ABI3BP: variants seen among roughly 807,000 people sequenced by gnomAD.
ABI3BP encodes the protein ABI family member 3 binding protein.
ABI3BP carries 216 observed loss-of-function variants against 268.6 expected under a neutral mutation model. That is an observed-to-expected ratio of 0.80 (90% CI 0.72 to 0.90). The LOEUF (loss-of-function observed/expected upper bound fraction) is 0.90, where lower values mean the gene tolerates loss of function less well. Among genes scored for constraint, ABI3BP ranks in the 40% least tolerant of loss-of-function variants. The pLI is 0.00. For missense variants in ABI3BP, 2,090 were observed against 2,182.4 expected (o/e 0.96, Z 0.84); for synonymous variants, 730 against 730.0 (o/e 1.00, Z 0.00).
intron 49 of ABI3BP, among the ~76,000 whole-genome samples, chr3:100,808,568 GA>G (rs1475586062): frequency 6.6e-6 from 1 of 151,844 alleles, no homozygotes; most frequent in Non-Finnish European, 1.5e-5. Flanking sequence ...AATTTTATCA[GA>G]ATATTTAGTT....
At chr3:100,944,385 T>A (rs768601981) in intron 1 of ABI3BP, among the ~76,000 whole-genome samples, 5 of 152,126 alleles carry the variant, frequency 3.3e-5, no homozygotes, top group Non-Finnish European at 5.9e-5. Flanking sequence ...CTCATTAAAT[T>A]CCATTGGCCA....
rs767939922 is a variant in ABI3BP, at chr3:100,846,335, C to T, written c.1723+37G>A. The T allele has an allele frequency of 8.7e-6, 12 of 1,374,102 alleles. No individual in the cohort carries two copies. The East Asian group carries it at 1.7e-4, about 19-fold the overall frequency. 85.1% of individuals were successfully genotyped at this position (1,374,102 alleles called of 1,614,324 possible). A position where few individuals can be genotyped will look rare whatever the true frequency, so the allele number is the denominator to read the frequency against. On this transcript the variant is annotated intron_variant, in intron 20 of 67. Coordinates refer to ENST00000471714, the MANE Select transcript of ABI3BP (RefSeq NM_001375547.2). ...ATTGCAAAGAACTTGTTTTCAACCCCACTTTTGGAATATTCAAAAAAGTTT... is the reference window on the plus strand; with the variant it reads ...ATTGCAAAGAACTTGTTTTCAACCCTACTTTTGGAATATTCAAAAAAGTTT...
intron 35 of ABI3BP, among the ~76,000 whole-genome samples, chr3:100,825,477 T>C (rs753682852): frequency 4.6e-5 from 7 of 152,204 alleles, no homozygotes; most frequent in Admixed American, 6.5e-5. Flanking sequence ...CAATTTGTTT[T>C]AAACTCAATG....
At chr3:100,771,978 T>G (rs2096558790) in intron 61 of ABI3BP, among the ~76,000 whole-genome samples, 1 of 151,872 alleles carries the variant, frequency 6.6e-6, no homozygotes, top group South Asian at 2.1e-4. Flanking sequence ...TCAAAACAAG[T>G]GATAAAGAGA....
intron 1 of ABI3BP, among the ~76,000 whole-genome samples, chr3:100,933,982 A>G (rs936940044): frequency 6.6e-6 from 1 of 151,772 alleles, no homozygotes; most frequent in African/African-American, 2.4e-5. Flanking sequence ...TTTTAATCCA[A>G]TAATAATTTT....
chr3:100,824,723 A>G lies in ABI3BP; in HGVS notation c.2746+135T>C, dbSNP rs533037137. 5.0e-4 allele frequency: 295 copies of G among 594,168 alleles called. No homozygotes were observed. In the East Asian group the frequency reaches 6.6e-3, roughly 13 times the overall value. 36.8% of individuals were successfully genotyped at this position (594,168 alleles called of 1,614,324 possible). The stretch of plus-strand genomic sequence containing the variant: ...TCTCCTTGAAAGCTGAGCAGAGGAG[A>G]TGGTACTGATGATGCCTTATGCCCT... On this transcript the variant is annotated intron_variant, in intron 36 of 67. Coordinates refer to ENST00000471714, the MANE Select transcript of ABI3BP (RefSeq NM_001375547.2).
intron 6 of ABI3BP, among the ~76,000 whole-genome samples, chr3:100,880,832 T>C (rs761557051): frequency 1.2e-4 from 18 of 152,176 alleles, no homozygotes; most frequent in Non-Finnish European, 2.6e-4. Flanking sequence ...AAGGATGTTA[T>C]TTTTTGTAGG....
chr3:100,855,193 T>C (rs2055545), intron 14 of ABI3BP, among the ~76,000 whole-genome samples: 52,729 of 152,090 alleles, frequency 0.35, 9,609 homozygotes, highest in African/African-American at 0.45. Flanking sequence ...CCCAAAGTGC[T>C]GGGATTACAG....
At chr3:100,988,336 G>A (rs1198567866) in intron 1 of ABI3BP, among the ~76,000 whole-genome samples, 1 of 152,134 alleles carries the variant, frequency 6.6e-6, no homozygotes, top group Non-Finnish European at 1.5e-5. Context: ...TTTCCTCTTT[G>A]TAATCAATCA....
intron 1 of ABI3BP, among the ~76,000 whole-genome samples, chr3:100,973,748 G>A (rs1420322780): frequency 6.6e-6 from 1 of 152,092 alleles, no homozygotes; most frequent in African/African-American, 2.4e-5. Flanking sequence ...AAAACTATAT[G>A]ACAGTTCAAT....
rs1481399001 is a variant in ABI3BP at position 100,818,593 on chromosome 3, C to G, written c.3032-12G>C. The G allele has an allele frequency of 2.0e-6, 3 of 1,531,862 alleles. No individual in the cohort carries two copies. Among genetic ancestry groups the G allele is most frequent in the East Asian group, 2.4e-5 (1 of 40,836 alleles). The allele number at this position is 1,531,862 out of a possible 1,614,324, so 94.9% of individuals were successfully genotyped here. A position where few individuals can be genotyped will look rare whatever the true frequency, so the allele number is the denominator to read the frequency against. On this transcript the variant is annotated splice_polypyrimidine_tract_variant and intron_variant, in intron 40 of 67. Coordinates refer to ENST00000471714, the MANE Select transcript of ABI3BP (RefSeq NM_001375547.2). Reference sequence around the variant, plus strand: ...ATCTGTAGAAGGAACTAATTAAAAGCAATGAAATAAACTTGTGAAAAGCCA... The same window carrying G: ...ATCTGTAGAAGGAACTAATTAAAAGGAATGAAATAAACTTGTGAAAAGCCA...
intron 1 of ABI3BP, among the ~76,000 whole-genome samples, chr3:100,986,382 T>C (rs1463488004): frequency 3.3e-5 from 5 of 152,236 alleles, no homozygotes; most frequent in Non-Finnish European, 7.3e-5. Flanking sequence ...TAAACCAGGC[T>C]CAGACTCCTA....
chr3:100,900,728 CA>C (rs2049913043), intron 3 of ABI3BP, among the ~76,000 whole-genome samples: 1 of 152,128 alleles, frequency 6.6e-6, no homozygotes. Context: ...ATCCCTTAGT[CA>C]TTACATTATT....
At chr3:100,830,152 TATATATATATATAA>T (rs1560541833) in intron 32 of ABI3BP, among the ~76,000 whole-genome samples, 50 of 62,928 alleles carry the variant, frequency 7.9e-4, no homozygotes, top group African/African-American at 2.3e-3. Flanking sequence ...TATATATATA[TATATATATATATAA>T]AATGCAGATA....
chr3:100,828,980 G>A (rs191813956), intron 33 of ABI3BP, among the ~76,000 whole-genome samples: 155 of 152,080 alleles, frequency 1.0e-3, no homozygotes, highest in Non-Finnish European at 1.8e-3. Flanking sequence ...ACACCTCAAC[G>A]AAATGTTCTG....
chr3:100,966,316 A>G (rs73144913), intron 1 of ABI3BP, among the ~76,000 whole-genome samples: 31 of 152,338 alleles, frequency 2.0e-4, no homozygotes, highest in Non-Finnish European at 4.4e-4. Context: ...GCTTTTGCCA[A>G]CTTTTCTCTG....
At chr3:100,874,959 A>C (rs1237512623) in intron 8 of ABI3BP, 26 bp from the exon 9 acceptor site, 1 of 1,383,220 alleles carries the variant, frequency 7.2e-7, no homozygotes, top group Non-Finnish European at 1.0e-6. Flanking sequence ...TGTAAATAAG[A>C]TAAGGGGAAG....
In ABI3BP at chr3:100,750,579, G is replaced by T; in HGVS notation, c.5277C>A (p.Val1759=). ...TGTGACCACCTATTTCTCCAAATTG[G>T]ACAGGTTCCTGGCGAACTGCTCTGA... The part of the protein sequence containing the change: ...GYFRAVRQEP[V]QFGEIGGHTQ... Residue 1759 remains valine, a synonymous_variant, in exon 68 of 68, where the codon GTC becomes GTA. Coordinates refer to ENST00000471714, the MANE Select transcript of ABI3BP (RefSeq NM_001375547.2). 1 of 1,612,950 alleles carries T rather than the reference G, an allele frequency of 6.2e-7. No individual in the cohort carries two copies. Among genetic ancestry groups the T allele is most frequent in the Non-Finnish European group, 8.5e-7 (1 of 1,179,354 alleles).
chr3:100,911,576 A>G, intron 2 of ABI3BP: 1 of 658,040 alleles, frequency 1.5e-6, no homozygotes, highest in Non-Finnish European at 2.8e-6. Context: ...TTACTGATCC[A>G]TCTTCTTCAA....
Sources: gnomAD v4.1 joint callset for allele counts (sites outside exome capture counted in the v4.1 genomes callset) on GRCh38, gnomAD v4.1.1 for gene constraint, MANE v1.5 for transcripts, NCBI Gene and HGNC (gene_info 2026-07-23, HGNC 2026-07-21) for gene names.